Variants in ZNF365 observed in about 807,000 individuals in gnomAD.
ZNF365 encodes zinc finger protein 365.
A neutral mutation model predicts 35.0 loss-of-function variants in ZNF365; 22 were observed. That is an observed-to-expected ratio of 0.63 (90% CI 0.45 to 0.90). ZNF365 has a LOEUF of 0.90. ZNF365 is among the 40% of genes least tolerant of loss of function. The pLI is 0.00. For synonymous variants in ZNF365, 188 were observed against 196.2 expected (o/e 0.96, Z 0.35); for missense variants, 448 against 500.3 (o/e 0.90, Z 1.00).
chr10:62,387,620 C>T (rs1839546467), intron 2 of ZNF365, among the ~76,000 whole-genome samples: 1 of 151,786 alleles, frequency 6.6e-6, no homozygotes, highest in East Asian at 1.9e-4. Flanking sequence ...GGAGGGCAAC[C>T]CATGCATTGC....
chr10:62,448,313 T>A (rs1840623393), intron 3 of ZNF365, among the ~76,000 whole-genome samples: 1 of 152,032 alleles, frequency 6.6e-6, no homozygotes, highest in African/African-American at 2.4e-5. Context: ...GGAGACAGAG[T>A]CCCTTTCCCA....
chr10:62,439,766 T>C (rs956971965), intron 3 of ZNF365, among the ~76,000 whole-genome samples: 2 of 152,214 alleles, frequency 1.3e-5, no homozygotes, highest in Non-Finnish European at 2.9e-5. Context: ...TATCTTCTAT[T>C]ACTTAATTTA....
intron 4 of ZNF365, among the ~76,000 whole-genome samples, chr10:62,474,956 TCTTTA>T (rs749033400): frequency 1.3e-5 from 2 of 152,180 alleles, no homozygotes; most frequent in Non-Finnish European, 2.9e-5. Flanking sequence ...CAACCCTACT[TCTTTA>T]CTTTATGATC....
At chr10:62,457,448 A>G (rs984951236) in intron 3 of ZNF365, among the ~76,000 whole-genome samples, 27 of 152,222 alleles carry the variant, frequency 1.8e-4, no homozygotes, top group Non-Finnish European at 3.1e-4. Flanking sequence ...TGGGTGTAGA[A>G]TTACATTCAC....
chr10:62,379,155 T>A (rs1839387861), intron 2 of ZNF365, among the ~76,000 whole-genome samples: 1 of 151,976 alleles, frequency 6.6e-6, no homozygotes, highest in Non-Finnish European at 1.5e-5. Flanking sequence ...CCCAAGTAGC[T>A]GGGGTTACAG....
chr10:62,420,536 C>T (rs116617925), intron 3 of ZNF365, among the ~76,000 whole-genome samples: 1,684 of 152,096 alleles, frequency 0.011, 30 homozygotes, highest in African/African-American at 0.039. Context: ...TGTAATTGGC[C>T]CATATAACTG....
chr10:62,409,256 G>A (rs1314135770), intron 3 of ZNF365, among the ~76,000 whole-genome samples: 1 of 152,128 alleles, frequency 6.6e-6, no homozygotes, highest in Admixed American at 6.5e-5. Flanking sequence ...TGAGGTATTG[G>A]CAATGACAGT....
At chr10:62,458,824 G>A (rs1479630210) in intron 3 of ZNF365, among the ~76,000 whole-genome samples, 1 of 152,126 alleles carries the variant, frequency 6.6e-6, no homozygotes, top group Non-Finnish European at 1.5e-5. Flanking sequence ...AAGATATGTT[G>A]ATTCTAACCT....
At chr10:62,464,238 T>A (rs1554829237) in intron 4 of ZNF365, among the ~76,000 whole-genome samples, 2 of 152,240 alleles carry the variant, frequency 1.3e-5, no homozygotes, top group Non-Finnish European at 1.5e-5. Flanking sequence ...TCATGCTTAC[T>A]AGCTCATTGT....
intron 2 of ZNF365, 111 bp from the exon 3 acceptor site, chr10:62,388,285 A>T: frequency 8.8e-7 from 1 of 1,139,046 alleles, no homozygotes; most frequent in Non-Finnish European, 1.3e-6. Flanking sequence ...GCCATGGAGT[A>T]CTGCCTAGGG....
chr10:62,448,297 AG>A (rs1348725790), intron 3 of ZNF365, among the ~76,000 whole-genome samples: 4 of 152,176 alleles, frequency 2.6e-5, no homozygotes, highest in Non-Finnish European at 5.9e-5. Context: ...TATTTTCATC[AG>A]GGGTGGAGAC....
chr10:62,463,809 G>C (rs1045006363), intron 4 of ZNF365, among the ~76,000 whole-genome samples: 11 of 152,180 alleles, frequency 7.2e-5, no homozygotes, highest in African/African-American at 2.4e-4. Flanking sequence ...AGCCCTTCCT[G>C]CTGTGGGATT....
chr10:62,404,350 A>G (rs1477108742), downstream of ZNF365, among the ~76,000 whole-genome samples: 1 of 152,230 alleles, frequency 6.6e-6, no homozygotes. Flanking sequence ...TGTGGCTGCA[A>G]AAGATATTAC....
intron 4 of ZNF365, among the ~76,000 whole-genome samples, chr10:62,470,103 T>A (rs1841009948): frequency 6.6e-6 from 1 of 152,200 alleles, no homozygotes; most frequent in African/African-American, 2.4e-5. Context: ...TGCCTATAAC[T>A]TTGGTTAGTT....
chr10:62,402,399 G>T lies in ZNF365; in HGVS notation c.*2610G>T, dbSNP rs1334317504. 1.0e-6 allele frequency: 1 copy of T among 984,686 alleles called. No individual in the cohort carries two copies. Among genetic ancestry groups the T allele is most frequent in the Admixed American group, 6.1e-5 (1 of 16,266 alleles). The allele number at this position is 984,686 out of a possible 1,614,324, so 61.0% of individuals were successfully genotyped here. A position where few individuals can be genotyped will look rare whatever the true frequency, so the allele number is the denominator to read the frequency against. ...TGGAATATTCTGTTCCAGAATTAAA[G>T]AAGTTTTTAGATTATGAAATATTAT... is the stretch of plus-strand genomic sequence containing the variant. On this transcript the variant is annotated 3_prime_UTR_variant, in exon 5 of 5. Transcript: ENST00000395254.
At chr10:62,377,041 C>G in intron 2 of ZNF365, 105 bp downstream of exon 2, 5 of 1,397,206 alleles carry the variant, frequency 3.6e-6, no homozygotes, top group South Asian at 2.9e-5. Flanking sequence ...TTTGCAGGTG[C>G]CTTGACTGCA....
intron 4 of ZNF365, among the ~76,000 whole-genome samples, chr10:62,464,794 G>C (rs1186142181): frequency 6.6e-6 from 1 of 152,234 alleles, no homozygotes; most frequent in Non-Finnish European, 1.5e-5. Flanking sequence ...GAAGTCATAA[G>C]AGAAATTGTT....
At chr10:62,460,842 G>A (rs1015720825) in intron 4 of ZNF365, among the ~76,000 whole-genome samples, 13 of 152,246 alleles carry the variant, frequency 8.5e-5, no homozygotes, top group African/African-American at 2.9e-4. Context: ...TAGGCCAGGG[G>A]TCCACAAACT....
chr10:62,434,792 T>A (rs1005910247), intron 3 of ZNF365, among the ~76,000 whole-genome samples: 2 of 152,210 alleles, frequency 1.3e-5, no homozygotes, highest in African/African-American at 4.8e-5. Context: ...TCTCACAAAG[T>A]CATCTGCTAA....
Sources: allele counts gnomAD v4.1 joint callset (sites outside exome capture counted in the v4.1 genomes callset), GRCh38; gene constraint gnomAD v4.1.1; transcripts MANE v1.5; gene names NCBI Gene and HGNC (gene_info 2026-07-23, HGNC 2026-07-21).